RBFOX1: variants seen among roughly 807,000 people sequenced by gnomAD.
RBFOX1 encodes the protein RNA binding fox-1 homolog 1, also known as RNA binding protein fox-1 homolog 1.
RBFOX1 carries 8 observed loss-of-function variants against 57.7 expected under a neutral mutation model. The ratio of observed to expected loss-of-function variants is 0.14; its 90% CI spans 0.08 to 0.25. The LOEUF (loss-of-function observed/expected upper bound fraction) is 0.25. RBFOX1 is among the 10% of genes least tolerant of loss of function. The pLI, the probability that RBFOX1 is intolerant of heterozygous loss-of-function variation, is 1.00. For missense variants in RBFOX1, 611 were observed against 548.5 expected, an observed-to-expected ratio of 1.11 and a Z score of -1.14; for synonymous variants, 326 against 222.4, an observed-to-expected ratio of 1.47 and a Z score of -4.15.
chr16:6,075,664 G>A (rs1440706093), intron 1 of RBFOX1, among the ~76,000 whole-genome samples: 1 of 152,154 alleles, frequency 6.6e-6, no homozygotes, highest in African/African-American at 2.4e-5. Flanking sequence ...TTAATCCAGT[G>A]CATTCAATAC....
intron 1 of RBFOX1, among the ~76,000 whole-genome samples, chr16:5,301,083 C>G (rs538349674): frequency 5.1e-4 from 77 of 152,330 alleles, no homozygotes; most frequent in African/African-American, 1.7e-3. Flanking sequence ...TAGTGACTCA[C>G]TTGTAATGAA....
chr16:6,328,450 G>A (rs545614183), intron 2 of RBFOX1, among the ~76,000 whole-genome samples: 1 of 151,932 alleles, frequency 6.6e-6, no homozygotes. Flanking sequence ...TTTTAATGTT[G>A]TGCATTGTGA....
At chr16:6,381,224 A>G (rs1004849907) in intron 2 of RBFOX1, among the ~76,000 whole-genome samples, 1 of 152,182 alleles carries the variant, frequency 6.6e-6, no homozygotes, top group Non-Finnish European at 1.5e-5. Context: ...CAAATTTCTC[A>G]TGTGCATATA....
intron 1 of RBFOX1, among the ~76,000 whole-genome samples, chr16:6,020,891 G>T (rs1023946132): frequency 7.9e-5 from 12 of 152,172 alleles, no homozygotes; most frequent in Non-Finnish European, 1.3e-4. Context: ...AGCAAGGGAG[G>T]GGAAGACCCC....
At chr16:5,270,530 A>G (rs1242040002) in intron 1 of RBFOX1, 10 of 622,186 alleles carry the variant, frequency 1.6e-5, no homozygotes, top group South Asian at 3.1e-5. Context: ...ATGTTCAACA[A>G]TGATTGAAAC....
intron 3 of RBFOX1, among the ~76,000 whole-genome samples, chr16:5,826,915 G>A (rs1334243257): frequency 6.6e-6 from 1 of 152,190 alleles, no homozygotes; most frequent in African/African-American, 2.4e-5. Flanking sequence ...AATAGTGTTG[G>A]AAATGCTAGA....
chr16:5,388,345 GACA>G (rs1426754000), intron 1 of RBFOX1, among the ~76,000 whole-genome samples: 1 of 152,130 alleles, frequency 6.6e-6, no homozygotes, highest in Non-Finnish European at 1.5e-5. Flanking sequence ...TCTGCCAAGC[GACA>G]ACAAGCTTTT....
intron 4 of RBFOX1, 72 bp downstream of exon 4, chr16:7,052,170 T>C (rs796818826): frequency 6.4e-7 from 1 of 1,554,444 alleles, no homozygotes; most frequent in African/African-American, 1.4e-5. Flanking sequence ...TCCTTGTCTC[T>C]CCCAAGACAC....
intron 4 of RBFOX1, among the ~76,000 whole-genome samples, chr16:7,446,470 T>A (rs2098808466): frequency 6.6e-6 from 1 of 152,204 alleles, no homozygotes; most frequent in Non-Finnish European, 1.5e-5. Flanking sequence ...AGTGCTCACA[T>A]TTGCCTGCCG....
chr16:6,842,177 A>AATAC (rs1332444249), intron 3 of RBFOX1, among the ~76,000 whole-genome samples: 9 of 151,650 alleles, frequency 5.9e-5, no homozygotes, highest in Non-Finnish European at 1.2e-4. Context: ...TAAATAAATA[A>AATAC]ATAAATAAAT....
chr16:5,298,891 G>T (rs891771900), intron 1 of RBFOX1, among the ~76,000 whole-genome samples: 2 of 95,896 alleles, frequency 2.1e-5, no homozygotes, highest in African/African-American at 8.3e-5. Flanking sequence ...GCATAGGGCA[G>T]ACGGGACTGA....
intron 5 of RBFOX1, among the ~76,000 whole-genome samples, chr16:7,557,591 G>C (rs1424986950): frequency 3.5e-5 from 4 of 114,400 alleles, no homozygotes; most frequent in Non-Finnish European, 6.5e-5. Context: ...CTGCACTCCA[G>C]CCTGGGAGAC....
intron 4 of RBFOX1, among the ~76,000 whole-genome samples, chr16:7,182,375 T>A (rs992800194): frequency 4.6e-5 from 7 of 152,204 alleles, no homozygotes; most frequent in Admixed American, 3.3e-4. Flanking sequence ...GCCCCCTCTC[T>A]TCATGAAATG....
rs531894026 is a variant in RBFOX1, at chr16:6,411,956, AC to A, written c.-64+94902del. On this transcript the variant is annotated intron_variant, in intron 2 of 15. Coordinates refer to ENST00000550418, the MANE Select transcript of RBFOX1 (RefSeq NM_018723.4). ...AGACAAGCCTGGCCAACACAGTGAA[AC>A]CCTGTCTCTACTAAAAATACAAAAA... 3.9e-3 allele frequency among the ~76,000 whole-genome samples: 591 copies of A among 152,206 alleles called. 2 individuals carry two copies. Among genetic ancestry groups the A allele is most frequent in the Admixed American group, 8.6e-3 (132 of 15,270 alleles).
At chr16:5,653,519 C>G (rs2151372290) in intron 3 of RBFOX1, among the ~76,000 whole-genome samples, 1 of 150,640 alleles carries the variant, frequency 6.6e-6, no homozygotes, top group South Asian at 2.1e-4. Context: ...GGTGCGGAGC[C>G]GTGTGCTGCG....
chr16:7,362,155 T>G (rs2097336838), intron 4 of RBFOX1, among the ~76,000 whole-genome samples: 1 of 150,330 alleles, frequency 6.7e-6, no homozygotes, highest in Admixed American at 6.6e-5. Flanking sequence ...TGTGTGTTAG[T>G]GTATGTTTTG....
At chr16:5,590,264 C>T (rs8053659) in intron 2 of RBFOX1, among the ~76,000 whole-genome samples, 30,887 of 151,944 alleles carry the variant, frequency 0.2, 3,538 homozygotes, top group East Asian at 0.32. Flanking sequence ...GAAAAAAAAC[C>T]GAGCTCACTT....
At chr16:7,107,606 C>A (rs772654342) in intron 4 of RBFOX1, among the ~76,000 whole-genome samples, 1 of 152,124 alleles carries the variant, frequency 6.6e-6, no homozygotes, top group East Asian at 1.9e-4. Flanking sequence ...CTTCTTCCTA[C>A]GTCGCTGACA....
intron 4 of RBFOX1, among the ~76,000 whole-genome samples, chr16:7,053,425 C>A (rs1306687811): frequency 6.6e-6 from 1 of 152,084 alleles, no homozygotes; most frequent in Non-Finnish European, 1.5e-5. Context: ...ACTGGTTCAT[C>A]CTGTTAAATA....
Sources: gnomAD v4.1 joint callset for allele counts (sites outside exome capture counted in the v4.1 genomes callset) on GRCh38, gnomAD v4.1.1 for gene constraint, MANE v1.5 for transcripts, NCBI Gene and HGNC (gene_info 2026-07-23, HGNC 2026-07-21) for gene names.